NTN4: variants seen among roughly 807,000 people sequenced by gnomAD.
NTN4 encodes netrin 4, also known as netrin-4.
Under a neutral mutation model 73.6 loss-of-function variants are expected in NTN4, and 32 were observed. The ratio of observed to expected loss-of-function variants is 0.44; its 90% CI spans 0.33 to 0.58. NTN4 has a LOEUF of 0.58. NTN4 is among the 20% of genes least tolerant of loss of function. NTN4 has a pLI of 0.04. For synonymous variants in NTN4, 258 were observed against 287.5 expected (o/e 0.90, Z 1.04); for missense variants, 654 against 798.3 (o/e 0.82, Z 2.18).
chr12:95,671,917 C>T (rs542278793), intron 7 of NTN4, among the ~76,000 whole-genome samples: 4 of 152,234 alleles, frequency 2.6e-5, no homozygotes, highest in African/African-American at 9.6e-5. Context: ...ATAACAGCAG[C>T]TAGTGCTTAC....
At position 95,683,537 on chromosome 12, in the gene NTN4, G is replaced by A. The variant is rs376168277; in HGVS notation, c.1355C>T (p.Ala452Val). The A allele has an allele frequency of 2.5e-6, 4 of 1,614,082 alleles. No homozygotes were observed. Among genetic ancestry groups the A allele is most frequent in the Admixed American group, 1.7e-5 (1 of 60,018 alleles). Reference protein sequence around the residue: ...GDYGCRPCDCAGSCDPITGDC... With the variant: ...GDYGCRPCDCVGSCDPITGDC... The stretch of plus-strand genomic sequence containing the variant: ...TCCGGTGATAGGGTCACAGCTCCCC[G>A]CACAGTCACATGGTCGACAGCCATA... The change falls in exon 6 of 10, where the codon GCG becomes GTG. Residue 452 changes from alanine to valine, a missense_variant. By Grantham distance (64) the Ala-to-Val change is moderately conservative. Coordinates refer to ENST00000343702, the MANE Select transcript of NTN4 (RefSeq NM_021229.4).
At chr12:95,727,820 C>A (rs2078706181) in intron 3 of NTN4, among the ~76,000 whole-genome samples, 1 of 152,128 alleles carries the variant, frequency 6.6e-6, no homozygotes. Flanking sequence ...TCAGCTGGTC[C>A]ATTTCTGCAA....
intron 5 of NTN4, among the ~76,000 whole-genome samples, chr12:95,696,018 A>C (rs1592670479): frequency 2.5e-5 from 3 of 118,428 alleles, no homozygotes; most frequent in Admixed American, 1.1e-4. Flanking sequence ...TCCCTCCCAT[A>C]CTCACTTCCT....
intron 2 of NTN4, among the ~76,000 whole-genome samples, chr12:95,774,023 C>T (rs1284497488): frequency 6.6e-6 from 1 of 152,134 alleles, no homozygotes; most frequent in Non-Finnish European, 1.5e-5. Flanking sequence ...TGCAAAGAGC[C>T]TTCACTTGTT....
intron 2 of NTN4, among the ~76,000 whole-genome samples, chr12:95,746,911 T>A: frequency 6.6e-6 from 1 of 152,008 alleles, no homozygotes; most frequent in East Asian, 1.9e-4. Flanking sequence ...TTGTTTCACA[T>A]ATTTTGTCCA....
intron 3 of NTN4, among the ~76,000 whole-genome samples, chr12:95,732,739 C>G (rs1296162365): frequency 6.6e-6 from 1 of 152,070 alleles, no homozygotes; most frequent in African/African-American, 2.4e-5. Context: ...ATTCATAGAA[C>G]ATGAATAAAA....
chr12:95,747,906 C>T (rs1450020167), intron 2 of NTN4, among the ~76,000 whole-genome samples: 2 of 151,996 alleles, frequency 1.3e-5, no homozygotes, highest in African/African-American at 2.4e-5. Flanking sequence ...CCCCCTTCAA[C>T]ATAACTAGCA....
intron 2 of NTN4, among the ~76,000 whole-genome samples, chr12:95,785,591 C>G (rs922862669): frequency 2.0e-5 from 3 of 152,148 alleles, no homozygotes; most frequent in African/African-American, 7.2e-5. Context: ...AATGACATGG[C>G]AAAAGTCTCC....
At chr12:95,772,982 A>G (rs373150496) in intron 2 of NTN4, among the ~76,000 whole-genome samples, 7 of 132,690 alleles carry the variant, frequency 5.3e-5, no homozygotes, top group Non-Finnish European at 9.5e-5. Flanking sequence ...AAAATCTCCA[A>G]TGGCTTTTTT....
intron 4 of NTN4, among the ~76,000 whole-genome samples, chr12:95,712,787 C>CTTTTTTTTTTTTT (rs35614636): frequency 1.0e-3 from 110 of 105,694 alleles, no homozygotes; most frequent in Non-Finnish European, 1.3e-3. Flanking sequence ...TTCTTTCTTT[C>CTTTTTTTTTTTTT]TTTTTTTTTT....
intron 3 of NTN4, among the ~76,000 whole-genome samples, chr12:95,723,704 G>A (rs895970692): frequency 2.0e-5 from 3 of 151,880 alleles, no homozygotes; most frequent in African/African-American, 7.3e-5. Context: ...TAGAGATGGG[G>A]TTTCGCCATG....
At chr12:95,674,942 G>A (rs11108188) in intron 7 of NTN4, among the ~76,000 whole-genome samples, 18,381 of 152,212 alleles carry the variant, frequency 0.12, 1,385 homozygotes, top group South Asian at 0.18. Context: ...TAACATGCAT[G>A]ATGGGCTTAG....
chr12:95,709,455 A>G (rs1309750085), intron 5 of NTN4, among the ~76,000 whole-genome samples: 1 of 152,178 alleles, frequency 6.6e-6, no homozygotes, highest in Non-Finnish European at 1.5e-5. Context: ...TGAATCGGAT[A>G]GATCTTTTCA....
Position 95,682,725 on chromosome 12 carries a change from A to T in NTN4, c.1492T>A (p.Ser498Thr). Residue 498 changes from serine (S) to threonine (T), a missense_variant, in exon 7 of 10, where the codon TCT (serine) becomes ACT (threonine). Physicochemically the swap from Ser to Thr is moderately conservative, Grantham distance 58. Transcript: ENST00000343702. ...AWEWEDAQGF[S>T]ALLHSGKCEC... is the part of the protein sequence containing the mutation. Reference sequence around the variant, plus strand: ...ATCTCACCTGAGTGTAGAAGTGCAGAAAACCCCTGCGCATCCTCCCACTCC... The same window carrying T: ...ATCTCACCTGAGTGTAGAAGTGCAGTAAACCCCTGCGCATCCTCCCACTCC... 6.2e-7 allele frequency: 1 copy of T among 1,612,646 alleles called. No homozygotes were observed. The highest frequency in any genetic ancestry group is 1.3e-5 in the African/African-American group (1 of 74,960).
In NTN4 at chr12:95,764,973, G is replaced by A. The variant is rs184457424; in HGVS notation, c.585+21966C>T. Among the ~76,000 whole-genome samples the A allele has an allele frequency of 4.8e-3, 733 of 151,982 alleles. 1 individual carries two copies. Among genetic ancestry groups the A allele is most frequent in the Non-Finnish European group, 7.6e-3 (514 of 67,930 alleles). ...AAGTCCCGAAAGGGAAGCCAGAGGA[G>A]GGCTAGAAATCTAACTTGTTCACTC... On this transcript the variant is annotated intron_variant, in intron 2 of 9. Coordinates refer to ENST00000343702, the MANE Select transcript of NTN4 (RefSeq NM_021229.4).
chr12:95,727,105 C>T (rs949817705), intron 3 of NTN4, among the ~76,000 whole-genome samples: 5 of 151,974 alleles, frequency 3.3e-5, no homozygotes, highest in African/African-American at 1.2e-4. Context: ...GTTTGTCTTT[C>T]TGATCATAGC....
At position 95,658,003 on chromosome 12, in the gene NTN4, A is replaced by C. The variant is rs989474345; in HGVS notation, c.*1083T>G. The C allele has an allele frequency of 2.0e-5, 3 of 152,620 alleles. No individual in the cohort carries two copies. The highest frequency in any genetic ancestry group is 4.4e-5 in the Non-Finnish European group (3 of 68,040). 9.5% of individuals were successfully genotyped at this position (152,620 alleles called of 1,614,324 possible). On this transcript the variant is annotated 3_prime_UTR_variant, in exon 10 of 10. Coordinates refer to ENST00000343702, the MANE Select transcript of NTN4 (RefSeq NM_021229.4). ...GTATAGTGGTTATGCGTGGGTACAG[A>C]AGATGAATAATAATGAAAAACTGTG...
intron 9 of NTN4, among the ~76,000 whole-genome samples, chr12:95,661,740 C>T (rs184381923): frequency 6.6e-6 from 1 of 152,278 alleles, no homozygotes; most frequent in East Asian, 1.9e-4. Context: ...ATAAGCTAAA[C>T]ACCACCATAA....
chr12:95,671,411 G>C (rs923486723), intron 7 of NTN4, among the ~76,000 whole-genome samples: 37 of 152,122 alleles, frequency 2.4e-4, no homozygotes, highest in African/African-American at 8.9e-4. Flanking sequence ...GCTTGAGAGA[G>C]AGCTGATTTT....
Sources: allele counts gnomAD v4.1 joint callset (sites outside exome capture counted in the v4.1 genomes callset), GRCh38; gene constraint gnomAD v4.1.1; transcripts MANE v1.5; gene names NCBI Gene and HGNC (gene_info 2026-07-23, HGNC 2026-07-21).